Variants in CHODL observed in about 807,000 individuals in gnomAD.
CHODL encodes transmembrane protein MT75.
A neutral mutation model predicts 34.5 loss-of-function variants in CHODL; 29 were observed. That is an observed-to-expected ratio of 0.84 (90% CI 0.63 to 1.15). The LOEUF is 1.15. Among genes scored for constraint, CHODL ranks in the 50% most tolerant of loss-of-function variants. The pLI is 0.00. For missense variants in CHODL, 332 were observed against 332.5 expected, an observed-to-expected ratio of 1.00 and a Z score of 0.01; for synonymous variants, 125 against 116.1, an observed-to-expected ratio of 1.08 and a Z score of -0.49.
Position 18,069,757 on chromosome 21 carries a change from G to A in CHODL, c.-45+41786G>A, listed in dbSNP as rs182011701. On this transcript the variant is annotated intron_variant, in intron 2 of 6. Coordinates refer to the CHODL transcript ENST00000400127. Reference sequence around the variant, plus strand: ...TTTACAACTACAAAATATGTTCTACGGCTTAGAACATACTTTTTATTTTTA... The same window carrying A: ...TTTACAACTACAAAATATGTTCTACAGCTTAGAACATACTTTTTATTTTTA... 2.9e-3 allele frequency among the ~76,000 whole-genome samples: 448 copies of A among 151,960 alleles called. 8 individuals carry two copies. The highest frequency in any genetic ancestry group is 0.027 in the Admixed American group (414 of 15,256).
At chr21:18,249,524 C>A (rs1394056731) in intron 1 of CHODL, among the ~76,000 whole-genome samples, 2 of 152,086 alleles carry the variant, frequency 1.3e-5, no homozygotes, top group Non-Finnish European at 2.9e-5. Context: ...GCTCTCAATG[C>A]ACAAGCCTTG....
chr21:18,173,440 T>C (rs1055454777), intron 2 of CHODL, among the ~76,000 whole-genome samples: 8 of 152,216 alleles, frequency 5.3e-5, no homozygotes, highest in African/African-American at 1.7e-4. Context: ...TCATTTTAAT[T>C]TATATTTTTG....
intron 2 of CHODL, among the ~76,000 whole-genome samples, chr21:18,108,800 G>T (rs552653687): frequency 6.6e-6 from 1 of 151,634 alleles, no homozygotes; most frequent in South Asian, 2.1e-4. Flanking sequence ...CTATGGAGAC[G>T]ATTATAGTTT....
At chr21:17,934,394 C>A (rs2063302846) in intron 1 of CHODL, among the ~76,000 whole-genome samples, 1 of 151,790 alleles carries the variant, frequency 6.6e-6, no homozygotes, top group Non-Finnish European at 1.5e-5. Context: ...CAATGGAGAG[C>A]TTTTTAATAC....
intron 1 of CHODL, among the ~76,000 whole-genome samples, chr21:18,020,607 G>T (rs929175753): frequency 6.6e-6 from 1 of 151,888 alleles, no homozygotes; most frequent in Non-Finnish European, 1.5e-5. Flanking sequence ...GTTCTTCTTC[G>T]CATAGAAAAC....
At chr21:17,946,234 G>A (rs2063407438) in intron 1 of CHODL, among the ~76,000 whole-genome samples, 1 of 152,140 alleles carries the variant, frequency 6.6e-6, no homozygotes, top group African/African-American at 2.4e-5. Flanking sequence ...TGGCTAACAT[G>A]GTGAAACCCC....
intron 2 of CHODL, among the ~76,000 whole-genome samples, chr21:18,104,684 G>C (rs1321891574): frequency 1.3e-5 from 2 of 152,130 alleles, no homozygotes. Flanking sequence ...ACCACTCTGA[G>C]CTTTTAAATG....
chr21:18,127,399 C>A (rs1386643501), intron 2 of CHODL, among the ~76,000 whole-genome samples: 4 of 151,818 alleles, frequency 2.6e-5, no homozygotes, highest in Non-Finnish European at 4.4e-5. Flanking sequence ...CTGTCTGGGG[C>A]AGAAAATGTG....
At chr21:18,208,614 T>C (rs2073739378) in intron 2 of CHODL, among the ~76,000 whole-genome samples, 1 of 152,164 alleles carries the variant, frequency 6.6e-6, no homozygotes, top group African/African-American at 2.4e-5. Flanking sequence ...TCTGGGCTTG[T>C]GTGTATCCAT....
At chr21:18,254,407 C>G (rs2074292070) in intron 1 of CHODL, among the ~76,000 whole-genome samples, 1 of 152,096 alleles carries the variant, frequency 6.6e-6, no homozygotes, top group African/African-American at 2.4e-5. Flanking sequence ...GGGCAAGACT[C>G]AGAAAGTAGA....
chr21:18,243,698 G>T (rs2074103614), upstream of CHODL, among the ~76,000 whole-genome samples: 1 of 152,030 alleles, frequency 6.6e-6, no homozygotes. Context: ...CACGAGTAGG[G>T]TGCATTTAAT....
chr21:18,048,478 T>C lies in CHODL; in HGVS notation c.-45+20507T>C, dbSNP rs367779287. Among the ~76,000 whole-genome samples, 104 of 152,044 alleles carry C rather than the reference T, an allele frequency of 6.8e-4. 1 individual carries two copies. The highest frequency in any genetic ancestry group is 2.4e-3 in the African/African-American group (101 of 41,544). Reference sequence around the variant, plus strand: ...TATTTGCATCTTGTTCGGTGCATAGTTTTTACATCCATGAATTTAGAAAAT... The same window carrying C: ...TATTTGCATCTTGTTCGGTGCATAGCTTTTACATCCATGAATTTAGAAAAT... On this transcript the variant is annotated intron_variant, in intron 2 of 6. Transcript: ENST00000400127.
At chr21:18,164,031 C>CA (rs1274435892) in intron 2 of CHODL, among the ~76,000 whole-genome samples, 4 of 152,128 alleles carry the variant, frequency 2.6e-5, no homozygotes, top group Non-Finnish European at 5.9e-5. Context: ...TTTTAATTAC[C>CA]AAATGCATTA....
chr21:18,215,338 T>G (rs1195559735), intron 2 of CHODL, among the ~76,000 whole-genome samples: 1 of 152,162 alleles, frequency 6.6e-6, no homozygotes, highest in African/African-American at 2.4e-5. Context: ...CAATTGATCT[T>G]CTCCAGCATG....
chr21:17,932,422 G>A (rs1400896870), intron 1 of CHODL, among the ~76,000 whole-genome samples: 1 of 152,142 alleles, frequency 6.6e-6, no homozygotes, highest in East Asian at 1.9e-4. Context: ...CTGAAAGTAG[G>A]ATCTACCATT....
chr21:18,225,063 T>G (rs746618148), intron 2 of CHODL, among the ~76,000 whole-genome samples: 23 of 152,168 alleles, frequency 1.5e-4, no homozygotes, highest in Non-Finnish European at 3.1e-4. Context: ...TTATAATTCA[T>G]AAGAAAGTTT....
chr21:18,202,314 C>A (rs1403634621), intron 2 of CHODL, among the ~76,000 whole-genome samples: 1 of 151,982 alleles, frequency 6.6e-6, no homozygotes, highest in Non-Finnish European at 1.5e-5. Context: ...CATGTGTTCC[C>A]CAAAATTGAC....
chr21:17,927,160 GTATATATGTATATATGTA>G (rs2063234755), intron 1 of CHODL, among the ~76,000 whole-genome samples: 1 of 67,944 alleles, frequency 1.5e-5, no homozygotes, highest in African/African-American at 3.7e-5. Context: ...GTATATATAT[GTATATATGTATATATGTA>G]TATATATGTA....
At chr21:18,189,496 G>C (rs1358849795) in intron 2 of CHODL, among the ~76,000 whole-genome samples, 1 of 152,040 alleles carries the variant, frequency 6.6e-6, no homozygotes, top group African/African-American at 2.4e-5. Context: ...TATAAGATTG[G>C]GGAGGACATT....
Sources: allele counts gnomAD v4.1 joint callset (sites outside exome capture counted in the v4.1 genomes callset), GRCh38; gene constraint gnomAD v4.1.1; transcripts MANE v1.5; gene names NCBI Gene and HGNC (gene_info 2026-07-23, HGNC 2026-07-21).